GALNT13: variants seen among roughly 807,000 people sequenced by gnomAD.
GALNT13 encodes polypeptide N-acetylgalactosaminyltransferase 13.
GALNT13 carries 28 observed loss-of-function variants against 64.2 expected under a neutral mutation model. The observed-to-expected ratio is 0.44, with a 90% CI of 0.32 to 0.60. The LOEUF is 0.60. Among genes scored for constraint, GALNT13 ranks in the 20% least tolerant of loss-of-function variants. The pLI is 0.05. For missense variants in GALNT13, 577 were observed against 669.8 expected, an observed-to-expected ratio of 0.86 and a Z score of 1.53; for synonymous variants, 214 against 224.6, an observed-to-expected ratio of 0.95 and a Z score of 0.42.
intron 8 of GALNT13, among the ~76,000 whole-genome samples, chr2:154,299,114 G>A (rs1431450134): frequency 8.0e-5 from 12 of 149,260 alleles, no homozygotes; most frequent in Non-Finnish European, 7.4e-5. Context: ...ATAGGATATA[G>A]ATATTAAACA....
chr2:153,501,547 G>T, the GALNT13 span, among the ~76,000 whole-genome samples: 1 of 152,108 alleles, frequency 6.6e-6, no homozygotes, highest in African/African-American at 2.4e-5. Context: ...GGCCAGGCTG[G>T]TCTCAAACTC....
intron 3 of GALNT13, among the ~76,000 whole-genome samples, chr2:154,025,055 T>C (rs2105290393): frequency 6.6e-6 from 1 of 152,184 alleles, no homozygotes; most frequent in South Asian, 2.1e-4. Context: ...CCTCTGGAAG[T>C]TTTGGCTCAG....
the GALNT13 span, among the ~76,000 whole-genome samples, chr2:153,731,072 A>ATG: frequency 2.8e-3 from 426 of 150,978 alleles, 4 homozygotes; most frequent in African/African-American, 9.4e-3. Context: ...ATATATATAT[A>ATG]TGTGTGTGTG....
intron 4 of GALNT13, among the ~76,000 whole-genome samples, chr2:154,184,505 T>G (rs1253725695): frequency 2.6e-5 from 4 of 152,214 alleles, no homozygotes; most frequent in Non-Finnish European, 5.9e-5. Flanking sequence ...TTTTTTCTTT[T>G]CATAGTGATA....
At chr2:154,372,813 G>T (rs1210560852) in intron 9 of GALNT13, among the ~76,000 whole-genome samples, 2 of 92,164 alleles carry the variant, frequency 2.2e-5, no homozygotes, top group Admixed American at 1.2e-4. Flanking sequence ...TGCATACATT[G>T]CTCTATATTT....
the GALNT13 span, among the ~76,000 whole-genome samples, chr2:153,547,287 C>T: frequency 1.3e-5 from 2 of 152,172 alleles, no homozygotes; most frequent in African/African-American, 4.8e-5. Context: ...GCCACAAACA[C>T]AGCTCCTTCA....
At chr2:153,961,102 C>G (rs1382117676) in intron 3 of GALNT13, among the ~76,000 whole-genome samples, 2 of 152,056 alleles carry the variant, frequency 1.3e-5, no homozygotes, top group Non-Finnish European at 2.9e-5. Context: ...AAAGTAACTA[C>G]TCAAAAATCT....
chr2:154,231,944 C>G (rs1237520325), intron 4 of GALNT13, among the ~76,000 whole-genome samples: 1 of 151,612 alleles, frequency 6.6e-6, no homozygotes, highest in Non-Finnish European at 1.5e-5. Context: ...TAGGCACTGG[C>G]CTACTTTACA....
chr2:154,228,814 T>C lies in GALNT13; in HGVS notation c.312-13216T>C, dbSNP rs146418081. Among the ~76,000 whole-genome samples, 430 of 152,224 alleles carry C rather than the reference T, an allele frequency of 2.8e-3. 1 individual carries two copies. Among genetic ancestry groups the C allele is most frequent in the Non-Finnish European group, 5.1e-3 (345 of 67,994 alleles). On this transcript the variant is annotated intron_variant, in intron 4 of 12. Coordinates refer to ENST00000392825, the MANE Select transcript of GALNT13 (RefSeq NM_052917.4). Reference sequence around the variant, plus strand: ...TGGTGATCTGGTGAGTTTCAGTTCTTTGATGCTTTTTTTTGAGAGGCTTGA... The same window carrying C: ...TGGTGATCTGGTGAGTTTCAGTTCTCTGATGCTTTTTTTTGAGAGGCTTGA...
At chr2:153,752,672 T>A in the GALNT13 span, among the ~76,000 whole-genome samples, 1 of 152,162 alleles carries the variant, frequency 6.6e-6, no homozygotes, top group East Asian at 1.9e-4. Flanking sequence ...TTTAGAATCT[T>A]CTCTTTATCC....
intron 1 of GALNT13, among the ~76,000 whole-genome samples, chr2:153,872,566 C>A (rs927242533): frequency 6.6e-6 from 1 of 150,634 alleles, no homozygotes; most frequent in Non-Finnish European, 1.5e-5. Context: ...AACTTTCTGC[C>A]GCCGCCCACC....
At chr2:153,099,345 A>G in the GALNT13 span, among the ~76,000 whole-genome samples, 1 of 152,118 alleles carries the variant, frequency 6.6e-6, no homozygotes, top group Non-Finnish European at 1.5e-5. Context: ...AAATGATCAA[A>G]ATGAGTGCAA....
chr2:153,709,960 T>C, the GALNT13 span, among the ~76,000 whole-genome samples: 1 of 152,066 alleles, frequency 6.6e-6, no homozygotes, highest in East Asian at 1.9e-4. Flanking sequence ...GAGAGTAAAT[T>C]AGTGATTACC....
intron 4 of GALNT13, among the ~76,000 whole-genome samples, chr2:154,157,678 C>G (rs1331126791): frequency 1.3e-5 from 2 of 152,184 alleles, no homozygotes; most frequent in Non-Finnish European, 2.9e-5. Context: ...CTGTCACTCT[C>G]TTGAGCCATC....
intron 3 of GALNT13, among the ~76,000 whole-genome samples, chr2:154,027,740 T>C (rs1698071089): frequency 6.6e-6 from 1 of 152,126 alleles, no homozygotes; most frequent in Non-Finnish European, 1.5e-5. Context: ...TATCTATAAA[T>C]ATCATGGGGG....
At chr2:153,976,383 T>C (rs995755794) in intron 3 of GALNT13, among the ~76,000 whole-genome samples, 3 of 152,170 alleles carry the variant, frequency 2.0e-5, no homozygotes, top group African/African-American at 7.2e-5. Flanking sequence ...ATTTTAATCA[T>C]GAATCATTTT....
chr2:154,369,139 A>G (rs1314274876), intron 9 of GALNT13, among the ~76,000 whole-genome samples: 1 of 151,966 alleles, frequency 6.6e-6, no homozygotes, highest in Admixed American at 6.6e-5. Flanking sequence ...TATTAGGGAG[A>G]CATATAAAAA....
the GALNT13 span, among the ~76,000 whole-genome samples, chr2:153,553,589 T>C: frequency 6.6e-6 from 1 of 152,204 alleles, no homozygotes; most frequent in Admixed American, 6.5e-5. Context: ...TCAAGAAATA[T>C]GATAAGAATG....
At chr2:153,854,015 A>G in the GALNT13 span, among the ~76,000 whole-genome samples, 5 of 151,728 alleles carry the variant, frequency 3.3e-5, no homozygotes, top group African/African-American at 1.2e-4. Flanking sequence ...CAGATTCATC[A>G]AGTTATATAC....
Sources: gnomAD v4.1 joint callset for allele counts (sites outside exome capture counted in the v4.1 genomes callset) on GRCh38, gnomAD v4.1.1 for gene constraint, MANE v1.5 for transcripts, NCBI Gene and HGNC (gene_info 2026-07-23, HGNC 2026-07-21) for gene names.